Variants in SLC41A2 observed in about 807,000 individuals in gnomAD.
SLC41A2 encodes solute carrier family 41 member 2.
Under a neutral mutation model 58.3 loss-of-function variants are expected in SLC41A2, and 32 were observed. The observed-to-expected ratio is 0.55, with a 90% CI of 0.41 to 0.74. SLC41A2 has a LOEUF of 0.74. Ranked by LOEUF, SLC41A2 falls within the 30% of genes least tolerant of loss-of-function variation. The pLI is 0.00. For synonymous variants in SLC41A2, 190 were observed against 235.0 expected, an observed-to-expected ratio of 0.81 and a Z score of 1.75; for missense variants, 514 against 680.6, an observed-to-expected ratio of 0.76 and a Z score of 2.72.
At chr12:104,827,955 G>A (rs1281730901) in intron 10 of SLC41A2, among the ~76,000 whole-genome samples, 1 of 151,748 alleles carries the variant, frequency 6.6e-6, no homozygotes, top group Non-Finnish European at 1.5e-5. Context: ...CCCTGGCTAG[G>A]GCTCCACCCC....
intron 10 of SLC41A2, among the ~76,000 whole-genome samples, chr12:104,822,472 T>A (rs969460607): frequency 6.6e-6 from 1 of 152,190 alleles, no homozygotes; most frequent in Non-Finnish European, 1.5e-5. Flanking sequence ...AAATTATTTT[T>A]AAAAAAGTTT....
intron 2 of SLC41A2, among the ~76,000 whole-genome samples, chr12:104,923,189 C>T (rs1242376305): frequency 3.8e-5 from 3 of 77,956 alleles, no homozygotes; most frequent in East Asian, 2.7e-4. Flanking sequence ...GGTGAAACTC[C>T]GTCTCTACTA....
At chr12:104,858,668 T>C (rs1001565815) in intron 8 of SLC41A2, among the ~76,000 whole-genome samples, 1 of 152,204 alleles carries the variant, frequency 6.6e-6, no homozygotes, top group African/African-American at 2.4e-5. Flanking sequence ...TGTACCACCA[T>C]GCCCGGCTAA....
intron 1 of SLC41A2, among the ~76,000 whole-genome samples, chr12:104,948,145 G>C (rs1473757482): frequency 6.6e-6 from 1 of 152,146 alleles, no homozygotes; most frequent in African/African-American, 2.4e-5. Context: ...TTGGGAGCTA[G>C]GGATCCCTAA....
chr12:104,913,948 G>A (rs2046199003), intron 2 of SLC41A2, among the ~76,000 whole-genome samples: 1 of 152,150 alleles, frequency 6.6e-6, no homozygotes, highest in Non-Finnish European at 1.5e-5. Flanking sequence ...TGTAATCCCA[G>A]CTCCTTAGGA....
At chr12:104,834,014 G>A in intron 10 of SLC41A2, 1 of 985,276 alleles carries the variant, frequency 1.0e-6, no homozygotes, top group Non-Finnish European at 1.2e-6. Context: ...GAGAAAAGAT[G>A]GTTGAGCTTC....
At chr12:104,863,955 C>CTT (rs35791974) in intron 7 of SLC41A2, among the ~76,000 whole-genome samples, 16 of 144,098 alleles carry the variant, frequency 1.1e-4, no homozygotes, top group South Asian at 2.2e-4. Flanking sequence ...ATCAATTCCA[C>CTT]TTTTTTTTTT....
At position 104,845,843 on chromosome 12, in the gene SLC41A2, C is replaced by G. The variant is rs2042581935; in HGVS notation, c.1387G>C (p.Gly463Arg). 1 of 1,611,622 alleles carries G rather than the reference C, an allele frequency of 6.2e-7. No homozygotes were observed. The highest frequency in any genetic ancestry group is 1.1e-5 in the South Asian group (1 of 90,624). Residue 463 changes from glycine (G) to arginine (R), a missense_variant and splice_region_variant, in exon 9 of 11, where the codon GGA (glycine) becomes CGA (arginine). By Grantham distance (125) the Gly-to-Arg change is moderately radical. Around this residue, in one of 3 missense-constraint regions of SLC41A2, gnomAD observed 128 missense variants for 146.0 expected, o/e 0.88. Transcript: ENST00000258538. Reference protein sequence around the residue: ...YYPFRTFFGPGVNNKSAQVLL... With the variant: ...YYPFRTFFGPRVNNKSAQVLL... Reference sequence around the variant, plus strand: ...TATGCAAAAATCCATAAGCACATACCTGGACCAAAGAAAGTTCTAAATGGG... The same window carrying G: ...TATGCAAAAATCCATAAGCACATACGTGGACCAAAGAAAGTTCTAAATGGG...
chr12:104,937,122 A>T (rs1015513113), intron 1 of SLC41A2, among the ~76,000 whole-genome samples: 2 of 152,240 alleles, frequency 1.3e-5, no homozygotes, highest in Non-Finnish European at 2.9e-5. Context: ...CAATTTTTTA[A>T]ATTAAAATTG....
intron 10 of SLC41A2, among the ~76,000 whole-genome samples, chr12:104,823,241 T>C (rs769644863): frequency 2.0e-4 from 31 of 152,290 alleles, no homozygotes; most frequent in Middle Eastern, 3.4e-3. Context: ...GAAATCACAG[T>C]GGCAAAAGCA....
intron 8 of SLC41A2, among the ~76,000 whole-genome samples, chr12:104,853,911 A>ATTATTATTATTATTTTTTTT: frequency 5.0e-4 from 30 of 59,496 alleles, no homozygotes; most frequent in African/African-American, 1.1e-3. Flanking sequence ...TGCCTGGCTG[A>ATTATTATTATTATTTTTTTT]TTTTTTTTTT....
At chr12:104,856,485 T>C (rs533070078) in intron 8 of SLC41A2, among the ~76,000 whole-genome samples, 6 of 152,052 alleles carry the variant, frequency 3.9e-5, no homozygotes, top group Non-Finnish European at 8.8e-5. Context: ...GAAAGTTTGA[T>C]TGTAGAGAGT....
intron 6 of SLC41A2, among the ~76,000 whole-genome samples, chr12:104,883,665 A>C (rs1340512183): frequency 1.3e-5 from 2 of 152,190 alleles, no homozygotes; most frequent in Non-Finnish European, 2.9e-5. Context: ...AGAGCAGCAA[A>C]TATTGCACAA....
In SLC41A2 at chr12:104,818,336, C is replaced by T. The variant is rs373984271; in HGVS notation, c.1537-12999G>A. ...ATGAACAAATTAGTTAGAAAACCAACTAGAACTTTTAGAAATAAAAATTTC... is the reference window on the plus strand; with the variant it reads ...ATGAACAAATTAGTTAGAAAACCAATTAGAACTTTTAGAAATAAAAATTTC... On this transcript the variant is annotated intron_variant, in intron 10 of 10. Coordinates refer to ENST00000258538, the MANE Select transcript of SLC41A2 (RefSeq NM_001352171.3). Among the ~76,000 whole-genome samples the T allele has an allele frequency of 1.3e-3, 191 of 152,116 alleles. 5 individuals carry two copies. The South Asian group carries it at 0.033, about 26-fold the overall frequency.
In SLC41A2 at chr12:104,831,795, G is replaced by A. The variant is rs571435055; in HGVS notation, c.1536+12677C>T. Reference sequence around the variant, plus strand: ...TATCTAACATAGAAAACAGTGTGATGAGATTCCTGAAGCATTCAAAGAATA... The same window carrying A: ...TATCTAACATAGAAAACAGTGTGATAAGATTCCTGAAGCATTCAAAGAATA... On this transcript the variant is annotated intron_variant, in intron 10 of 10. Transcript: ENST00000258538. 5.3e-5 allele frequency among the ~76,000 whole-genome samples: 8 copies of A among 152,208 alleles called. No homozygotes were observed. In the South Asian group the frequency reaches 1.7e-3, roughly 32 times the overall value.
intron 10 of SLC41A2, among the ~76,000 whole-genome samples, chr12:104,833,787 G>GT (rs35911723): frequency 0.26 from 38,270 of 146,984 alleles, 5,137 homozygotes; most frequent in Admixed American, 0.33. Flanking sequence ...GTGTTTTGTT[G>GT]TTTTTTTTTT....
intron 10 of SLC41A2, among the ~76,000 whole-genome samples, chr12:104,809,182 A>T (rs989169021): frequency 6.6e-6 from 1 of 152,128 alleles, no homozygotes; most frequent in African/African-American, 2.4e-5. Context: ...AACTTTCAAT[A>T]AATGTCTGTT....
chr12:104,836,652 C>T (rs1465332470), intron 10 of SLC41A2, among the ~76,000 whole-genome samples: 3 of 152,152 alleles, frequency 2.0e-5, no homozygotes, highest in African/African-American at 7.2e-5. Flanking sequence ...AGGAGTCCAT[C>T]TGGAAACCTG....
intron 8 of SLC41A2, among the ~76,000 whole-genome samples, chr12:104,849,719 T>A (rs1004584581): frequency 3.3e-5 from 5 of 152,110 alleles, no homozygotes; most frequent in African/African-American, 7.2e-5. Flanking sequence ...TTGCAGCTAC[T>A]CAGAAGACTG....
Sources: gnomAD v4.1 joint callset for allele counts (sites outside exome capture counted in the v4.1 genomes callset) on GRCh38, gnomAD v4.1.1 for gene constraint, gnomAD v4.1.1 regional missense constraint, MANE v1.5 for transcripts, NCBI Gene and HGNC (gene_info 2026-07-23, HGNC 2026-07-21) for gene names.